The following MCFD2 variants were observed in gnomAD, a reference collection of about 807,000 sequenced individuals.
The protein encoded by MCFD2 is multiple coagulation factor deficiency protein 2.
In MCFD2, 11 loss-of-function variants were observed where a neutral mutation model predicts 12.8. The observed-to-expected ratio is 0.86, with a 90% CI of 0.54 to 1.42. The LOEUF (loss-of-function observed/expected upper bound fraction) is 1.42. Among genes scored for constraint, MCFD2 ranks in the 40% most tolerant of loss-of-function variants. The probability of loss-of-function intolerance (pLI) is 0.00; values close to 1 mark genes in which losing one functional copy is unlikely to be tolerated. For missense variants in MCFD2, 191 were observed against 178.6 expected (o/e 1.07, Z -0.40); for synonymous variants, 70 against 68.1 (o/e 1.03, Z -0.14).
At chr2:46,918,828 C>T (rs749258830), upstream of MCFD2, among the ~76,000 whole-genome samples, 6 of 152,136 alleles carry the variant, frequency 3.9e-5, no homozygotes, top group Admixed American at 2.0e-4. Flanking sequence ...GGCAACTCTA[C>T]GTTGGAAATA....
In MCFD2 at chr2:46,904,529, G is replaced by C. The variant is rs578143759; in HGVS notation, c.*934C>G. 2.3e-4 allele frequency: 35 copies of C among 152,280 alleles called. No individual in the cohort carries two copies. Among genetic ancestry groups the C allele is most frequent in the African/African-American group, 8.0e-4 (33 of 41,504 alleles). 9.4% of individuals were successfully genotyped at this position (152,280 alleles called of 1,614,324 possible). ...TCAGTATGACCTGGATGTGAGACCT[G>C]GAGTCAAAGGAGATTATTCTGGAAC... On this transcript the variant is annotated 3_prime_UTR_variant, in exon 4 of 4. Coordinates refer to ENST00000319466, the MANE Select transcript of MCFD2 (RefSeq NM_139279.6).
upstream of MCFD2, chr2:46,917,403 A>G (rs989900155): frequency 2.6e-5 from 15 of 566,592 alleles, no homozygotes; most frequent in Middle Eastern, 2.6e-4. Flanking sequence ...TCTACCCTGC[A>G]TCTGCCATTC....
chr2:46,926,009 G>A (rs916634819), intron 1 of MCFD2, among the ~76,000 whole-genome samples: 3 of 152,166 alleles, frequency 2.0e-5, no homozygotes, highest in African/African-American at 4.8e-5. Flanking sequence ...GGGTTTGTCC[G>A]GTAATATCTG....
chr2:46,922,571 T>A (rs910266898), intron 1 of MCFD2, among the ~76,000 whole-genome samples: 2 of 152,142 alleles, frequency 1.3e-5, no homozygotes, highest in African/African-American at 4.8e-5. Context: ...AAGGCCAAGA[T>A]ATACAGCTTT....
chr2:46,917,255 C>T (rs76192704), upstream of MCFD2: 20 of 699,314 alleles, frequency 2.9e-5, no homozygotes, highest in East Asian at 2.2e-4. Flanking sequence ...ACCTCCGCCT[C>T]CCAAAGTGCT....
At chr2:46,924,449 A>G (rs771478014) in intron 1 of MCFD2, among the ~76,000 whole-genome samples, 2 of 152,124 alleles carry the variant, frequency 1.3e-5, no homozygotes, top group Non-Finnish European at 2.9e-5. Flanking sequence ...ATATAATCAT[A>G]TTTGTGAAGA....
rs1668304233 is a variant in MCFD2, at chr2:46,907,766, A to T, written c.309+44T>A. The T allele has an allele frequency of 6.2e-7, 1 of 1,601,742 alleles. No homozygotes were observed. ...GACTGGGGACCAAATTAACAAAGGG[A>T]AGCCTTTCTGTGATACAGTCCCCCA... On this transcript the variant is annotated intron_variant, in intron 3 of 3. Transcript: ENST00000319466. This position sits in a 1 kb window ranked among gnomAD's most constrained non-coding sequence, Gnocchi z 4.1.
At chr2:46,906,171 C>T (rs1012322987) in intron 3 of MCFD2, among the ~76,000 whole-genome samples, 2 of 152,322 alleles carry the variant, frequency 1.3e-5, no homozygotes, top group African/African-American at 2.4e-5. Flanking sequence ...ACATCTCCCA[C>T]ATTCACCATT....
intron 1 of MCFD2, among the ~76,000 whole-genome samples, chr2:46,927,423 C>T (rs1388517043): frequency 2.1e-5 from 3 of 141,946 alleles, no homozygotes; most frequent in African/African-American, 8.0e-5. Context: ...GTGGCGTGAT[C>T]TCGGCTCACT....
At chr2:46,906,392 C>T (rs769154515) in intron 3 of MCFD2, among the ~76,000 whole-genome samples, 1 of 152,054 alleles carries the variant, frequency 6.6e-6, no homozygotes, top group Non-Finnish European at 1.5e-5. Flanking sequence ...TAATCCCACT[C>T]ACCTGGCTAA....
intron 1 of MCFD2, among the ~76,000 whole-genome samples, chr2:46,927,884 G>GTTTTT (rs566447236): frequency 8.2e-5 from 6 of 73,324 alleles, no homozygotes; most frequent in East Asian, 3.8e-4. Context: ...TTTTTTTGGT[G>GTTTTT]TTTTTTTTTT....
intron 1 of MCFD2, among the ~76,000 whole-genome samples, chr2:46,930,249 T>C (rs567240291): frequency 2.0e-5 from 3 of 152,048 alleles, no homozygotes; most frequent in South Asian, 4.2e-4. Context: ...AGTAATAAAA[T>C]TTATAAATCC....
chr2:46,921,536 T>A (rs1669102667), intron 1 of MCFD2, among the ~76,000 whole-genome samples: 1 of 152,206 alleles, frequency 6.6e-6, no homozygotes, highest in Non-Finnish European at 1.5e-5. Flanking sequence ...TACTCTTTTG[T>A]CTCTTGTCAA....
Position 46,908,692 on chromosome 2 carries a change from T to G in MCFD2, c.149+331A>C. ...CTTGTTATAGTCAAGAAACCTTAGC[T>G]ATTTTCTGGATTCTGCTACTATGAC... On this transcript the variant is annotated intron_variant, in intron 2 of 3. Coordinates refer to ENST00000319466, the MANE Select transcript of MCFD2 (RefSeq NM_139279.6). The surrounding 1 kb of genome is among the most constrained non-coding windows in gnomAD (Gnocchi z 4.5). The G allele has an allele frequency of 2.6e-6, 1 of 388,976 alleles. No individual in the cohort carries two copies. The highest frequency in any genetic ancestry group is 4.8e-6 in the Non-Finnish European group (1 of 207,630). 24.1% of individuals were successfully genotyped at this position (388,976 alleles called of 1,614,324 possible).
chr2:46,926,979 G>T (rs1669417054), intron 1 of MCFD2, among the ~76,000 whole-genome samples: 1 of 152,002 alleles, frequency 6.6e-6, no homozygotes, highest in African/African-American at 2.4e-5. Flanking sequence ...ATAACGGATA[G>T]ATTGAACTAC....
chr2:46,905,510 TG>T lies in MCFD2; in HGVS notation c.393del (p.Asn131LysfsTer43). ...IDGVLRDDDKNNDGYIDYAEF... is the reference protein window; with the variant it reads ...IDGVLRDDDKXNDGYIDYAEF... ...TCAGCATAGTCAATGTATCCATCAT[TG>T]TTCTTGTCATCATCTCTCAAAACAC... On this transcript the variant is annotated frameshift_variant, in exon 4 of 4. Coordinates refer to ENST00000319466, the MANE Select transcript of MCFD2 (RefSeq NM_139279.6). LOFTEE classifies it high-confidence loss of function. 1.2e-6 allele frequency: 2 copies of T among 1,613,422 alleles called. No individual in the cohort carries two copies. The highest frequency in any genetic ancestry group is 1.7e-6 in the Non-Finnish European group (2 of 1,179,884).
intron 1 of MCFD2, among the ~76,000 whole-genome samples, chr2:46,924,430 AT>A (rs1216125201): frequency 2.6e-5 from 4 of 152,084 alleles, no homozygotes; most frequent in Non-Finnish European, 5.9e-5. Context: ...TGGGTTTTAC[AT>A]TTATGGAATA....
upstream of MCFD2, among the ~76,000 whole-genome samples, chr2:46,919,659 T>G (rs936008332): frequency 3.3e-5 from 5 of 152,238 alleles, no homozygotes; most frequent in Non-Finnish European, 5.9e-5. Flanking sequence ...AACAACAGTC[T>G]CTTGCTGTTG....
chr2:46,938,435 G>A lies in MCFD2; in HGVS notation c.-8+3137C>T, dbSNP rs114684758. ...TTGCCACAGCCTAAACCTGTGCCTC[G>A]GACCTTCAACCGAGGGGGTATTCTC... On this transcript the variant is annotated intron_variant, in intron 1 of 2. Transcript: ENST00000409147. Among the ~76,000 whole-genome samples the A allele has an allele frequency of 5.4e-3, 825 of 151,926 alleles. 14 individuals carry two copies. Among genetic ancestry groups the A allele is most frequent in the African/African-American group, 0.018 (762 of 41,398 alleles).
Sources: gnomAD v4.1 joint callset for allele counts (sites outside exome capture counted in the v4.1 genomes callset) on GRCh38, gnomAD v4.1.1 for gene constraint, Gnocchi (gnomAD v3.1) non-coding constraint, MANE v1.5 for transcripts, NCBI Gene and HGNC (gene_info 2026-07-23, HGNC 2026-07-21) for gene names.